The following PDZD2 variants were observed in gnomAD, a reference collection of about 807,000 sequenced individuals.
The protein encoded by PDZD2 is PDZ domain containing 2, also known as PDZ domain-containing protein 2.
Under a neutral mutation model 220.7 loss-of-function variants are expected in PDZD2, and 90 were observed. That is an observed-to-expected ratio of 0.41 (90% CI 0.34 to 0.49). The LOEUF is 0.49. Among genes scored for constraint, PDZD2 ranks in the 20% least tolerant of loss-of-function variants. The pLI is 0.28. For synonymous variants in PDZD2, 1,375 were observed against 1,450.5 expected (o/e 0.95, Z 1.18); for missense variants, 3,174 against 3,608.5 (o/e 0.88, Z 3.08).
intron 2 of PDZD2, among the ~76,000 whole-genome samples, chr5:31,864,187 C>G (rs1737982676): frequency 6.6e-6 from 1 of 152,188 alleles, no homozygotes; most frequent in African/African-American, 2.4e-5. Context: ...TGGCTGATTT[C>G]TTCTAAGCGC....
At chr5:31,871,362 A>G (rs990390942) in intron 2 of PDZD2, among the ~76,000 whole-genome samples, 1 of 152,192 alleles carries the variant, frequency 6.6e-6, no homozygotes, top group Non-Finnish European at 1.5e-5. Context: ...ATTCGCCCCA[A>G]TTTTATAGAA....
In PDZD2 at chr5:32,077,322, A is replaced by G. The variant is rs555729687; in HGVS notation, c.3538-140A>G. On this transcript the variant is annotated intron_variant, in intron 18 of 24. Coordinates refer to ENST00000438447, the MANE Select transcript of PDZD2 (RefSeq NM_178140.4). ...TTAATTCCTAGCAGACCTTAAACCC[A>G]CAATCTGGATCTGCTGGCTCCTAGT... 1.3e-5 allele frequency: 10 copies of G among 769,444 alleles called. No individual in the cohort carries two copies. In the South Asian group the frequency reaches 1.7e-4, roughly 13 times the overall value. 47.7% of individuals were successfully genotyped at this position (769,444 alleles called of 1,614,324 possible). A position where few individuals can be genotyped will look rare whatever the true frequency, so the allele number is the denominator to read the frequency against.
At chr5:31,847,585 A>G (rs1580880165) in intron 2 of PDZD2, 5 of 673,694 alleles carry the variant, frequency 7.4e-6, no homozygotes, top group South Asian at 5.4e-5. Context: ...GCTGGCTCGG[A>G]GGCTTTTCAG....
intron 6 of PDZD2, among the ~76,000 whole-genome samples, chr5:32,019,139 CTTT>C (rs3037908): frequency 1.4e-4 from 15 of 106,168 alleles, no homozygotes; most frequent in East Asian, 3.0e-4. Flanking sequence ...CATAGAAAAG[CTTT>C]TTTTTTTTTT....
chr5:31,897,945 G>A (rs139153299), intron 2 of PDZD2, among the ~76,000 whole-genome samples: 7 of 152,082 alleles, frequency 4.6e-5, no homozygotes, highest in African/African-American at 1.4e-4. Context: ...TCACCGTGTT[G>A]GCCAGCCTGG....
At chr5:31,796,125 G>A (rs536254855) in intron 1 of PDZD2, among the ~76,000 whole-genome samples, 78 of 152,178 alleles carry the variant, frequency 5.1e-4, no homozygotes, top group Non-Finnish European at 9.7e-4. Flanking sequence ...TTCCAAAGTA[G>A]TAATTAACAA....
intron 2 of PDZD2, among the ~76,000 whole-genome samples, chr5:31,919,884 G>A (rs1339049500): frequency 6.6e-6 from 1 of 151,354 alleles, no homozygotes; most frequent in Admixed American, 6.6e-5. Flanking sequence ...ACCAGGCGTG[G>A]TGGTGTGTGC....
intron 2 of PDZD2, among the ~76,000 whole-genome samples, chr5:31,921,183 C>G (rs1238451672): frequency 6.6e-6 from 1 of 152,126 alleles, no homozygotes; most frequent in East Asian, 1.9e-4. Context: ...AGCCTGGTGC[C>G]AGAGAAGAAA....
intron 2 of PDZD2, among the ~76,000 whole-genome samples, chr5:31,889,434 C>A (rs1309129979): frequency 1.3e-5 from 2 of 152,168 alleles, no homozygotes; most frequent in African/African-American, 4.8e-5. Flanking sequence ...TTCAGAAAGG[C>A]CTGTCAGGCC....
At chr5:31,809,362 G>A (rs1413540660) in intron 2 of PDZD2, among the ~76,000 whole-genome samples, 1 of 152,228 alleles carries the variant, frequency 6.6e-6, no homozygotes, top group Non-Finnish European at 1.5e-5. Flanking sequence ...GATGTTTTCA[G>A]CCTTCAGAGC....
intron 2 of PDZD2, among the ~76,000 whole-genome samples, chr5:31,909,741 T>C (rs1199690044): frequency 3.3e-5 from 5 of 152,222 alleles, no homozygotes; most frequent in Admixed American, 6.5e-5. Flanking sequence ...GACATTAATT[T>C]TGAATATTCC....
chr5:31,709,499 TA>T (rs1747988915), intron 1 of PDZD2, among the ~76,000 whole-genome samples: 1 of 150,354 alleles, frequency 6.7e-6, no homozygotes, highest in Non-Finnish European at 1.5e-5. Context: ...AAAAATAAAA[TA>T]AAAGGTGAGA....
rs771417889 is a variant in PDZD2, at chr5:32,057,974, G to A, written c.2071G>A (p.Ala691Thr). Residue 691 changes from alanine (A) to threonine (T), a missense_variant, in exon 12 of 25, where the codon GCC (alanine) becomes ACC (threonine). Physicochemically the swap from Ala to Thr is moderately conservative, Grantham distance 58. Transcript: ENST00000438447. The stretch of plus-strand genomic sequence containing the variant: ...GACACCCACACACATGAGCAGATCC[G>A]CCTCCCCGAACTTCAATACCAGTGG... The part of the protein sequence containing the change: ...CSTPTHMSRS[A>T]SPNFNTSGGA... 8 of 1,613,480 alleles carry A rather than the reference G, an allele frequency of 5.0e-6. No individual in the cohort carries two copies. Among genetic ancestry groups the A allele is most frequent in the Middle Eastern group, 1.6e-4 (1 of 6,080 alleles).
intron 2 of PDZD2, among the ~76,000 whole-genome samples, chr5:31,891,881 A>C: frequency 6.6e-6 from 1 of 151,778 alleles, no homozygotes; most frequent in East Asian, 1.9e-4. Flanking sequence ...ATCTGCTGTG[A>C]CAAATCCAAG....
chr5:32,089,947 C>T lies in PDZD2; in HGVS notation c.6499C>T (p.Leu2167=), dbSNP rs1251259172. Residue 2167 remains leucine, a synonymous_variant, in exon 20 of 25, where the codon CTG becomes TTG. Transcript: ENST00000438447. Reference sequence around the variant, plus strand: ...GTCACGATCATTCAGCATGGCAAAACTGGCGTCCTCCTCCTCCTCCCTTCA... The same window carrying T: ...GTCACGATCATTCAGCATGGCAAAATTGGCGTCCTCCTCCTCCTCCCTTCA... ...EMSRSFSMAK[L]ASSSSSLQTA... is the part of the protein sequence containing the mutation. 1 of 1,608,170 alleles carries T rather than the reference C, an allele frequency of 6.2e-7. No homozygotes were observed. The highest frequency in any genetic ancestry group is 1.7e-5 in the Admixed American group (1 of 59,552).
intron 1 of PDZD2, among the ~76,000 whole-genome samples, chr5:31,706,159 G>A (rs893273817): frequency 1.3e-5 from 2 of 152,184 alleles, no homozygotes; most frequent in African/African-American, 4.8e-5. Context: ...AATGTAGTAG[G>A]TATTCAATAA....
At chr5:31,705,642 C>T (rs894214799) in intron 1 of PDZD2, among the ~76,000 whole-genome samples, 5 of 152,190 alleles carry the variant, frequency 3.3e-5, no homozygotes, top group African/African-American at 1.2e-4. Context: ...ATTGGAAATA[C>T]TGTCAAATAC....
At chr5:32,053,732 C>T (rs183103156) in intron 9 of PDZD2, 37 bp from the exon 10 acceptor site, 2 of 1,128,084 alleles carry the variant, frequency 1.8e-6, no homozygotes, top group Non-Finnish European at 1.4e-6. Flanking sequence ...TTAAATACCA[C>T]ACTGTCAACC....
At chr5:31,716,016 G>C (rs1446673452) in intron 1 of PDZD2, among the ~76,000 whole-genome samples, 1 of 152,122 alleles carries the variant, frequency 6.6e-6, no homozygotes, top group Non-Finnish European at 1.5e-5. Context: ...CTATTTCTTT[G>C]CTCTTCATTC....
Sources: allele counts gnomAD v4.1 joint callset (sites outside exome capture counted in the v4.1 genomes callset), GRCh38; gene constraint gnomAD v4.1.1; transcripts MANE v1.5; gene names NCBI Gene and HGNC (gene_info 2026-07-23, HGNC 2026-07-21).